PTPN3: variants seen among roughly 807,000 people sequenced by gnomAD.
PTPN3 encodes the protein tyrosine-protein phosphatase non-receptor type 3.
Under a neutral mutation model 132.7 loss-of-function variants are expected in PTPN3, and 96 were observed. That is an observed-to-expected ratio of 0.72 (90% confidence interval 0.61 to 0.86). PTPN3 has a LOEUF of 0.86. Among genes scored for constraint, PTPN3 ranks in the 40% least tolerant of loss-of-function variants. PTPN3 has a pLI of 0.00. For missense variants in PTPN3, 1,125 were observed against 1,159.6 expected, an observed-to-expected ratio of 0.97 and a Z score of 0.43; for synonymous variants, 398 against 429.0, an observed-to-expected ratio of 0.93 and a Z score of 0.89.
intron 14 of PTPN3, among the ~76,000 whole-genome samples, chr9:109,416,100 C>T (rs910299275): frequency 6.6e-6 from 1 of 152,068 alleles, no homozygotes; most frequent in Non-Finnish European, 1.5e-5. Context: ...ATGGTGGTTA[C>T]GAGGGTGATG....
intron 14 of PTPN3, among the ~76,000 whole-genome samples, chr9:109,417,198 T>A (rs1372038982): frequency 6.6e-6 from 1 of 152,234 alleles, no homozygotes; most frequent in Non-Finnish European, 1.5e-5. Flanking sequence ...ATAACTATAA[T>A]CATAAACTTT....
At chr9:109,385,009 G>A (rs1192153178) in intron 22 of PTPN3, among the ~76,000 whole-genome samples, 2 of 152,188 alleles carry the variant, frequency 1.3e-5, no homozygotes, top group Admixed American at 6.5e-5. Flanking sequence ...GCATAGGAAG[G>A]ATAAATCCCT....
chr9:109,389,473 G>C, intron 21 of PTPN3, 94 bp from the exon 22 acceptor site: 1 of 1,277,340 alleles, frequency 7.8e-7, no homozygotes, highest in South Asian at 1.6e-5. Flanking sequence ...AATTGATATT[G>C]CACCAGAAAA....
Position 109,376,814 on chromosome 9 carries a change from T to C in PTPN3, c.*2742A>G, listed in dbSNP as rs1838590309. The C allele has an allele frequency of 6.6e-6, 1 of 152,204 alleles. No homozygotes were observed. The highest frequency in any genetic ancestry group is 6.5e-5 in the Admixed American group (1 of 15,286). The allele number at this position is 152,204 out of a possible 1,614,324, so 9.4% of individuals were successfully genotyped here. A position where few individuals can be genotyped will look rare whatever the true frequency, so the allele number is the denominator to read the frequency against. ...ATTTTAAGTGGTAATAGCTACAGGA[T>C]TTACTTGAATTGTTTGCTCTTTTAG... On this transcript the variant is annotated 3_prime_UTR_variant, in exon 26 of 26. Coordinates refer to ENST00000374541, the MANE Select transcript of PTPN3 (RefSeq NM_002829.4).
chr9:109,378,280 CA>C lies in PTPN3; in HGVS notation c.*1275del, dbSNP rs1440133245. 5 of 152,442 alleles carry C rather than the reference CA, an allele frequency of 3.3e-5. No homozygotes were observed. Among genetic ancestry groups the C allele is most frequent in the Non-Finnish European group, 7.3e-5 (5 of 68,046 alleles). 9.4% of individuals were successfully genotyped at this position (152,442 alleles called of 1,614,324 possible). On this transcript the variant is annotated 3_prime_UTR_variant, in exon 26 of 26. Transcript: ENST00000374541. Reference sequence around the variant, plus strand: ...ATTTTCCTTAAATAATAATTTGCTACAATCCTGTCACAAATTTAAAAAAATT... The same window carrying C: ...ATTTTCCTTAAATAATAATTTGCTACATCCTGTCACAAATTTAAAAAAATT...
At chr9:109,520,478 T>C in the PTPN3 span, among the ~76,000 whole-genome samples, 3 of 152,200 alleles carry the variant, frequency 2.0e-5, no homozygotes, top group African/African-American at 4.8e-5. Flanking sequence ...GTTTGGAAAA[T>C]TGACAGCATG....
At chr9:109,417,377 C>T (rs1842592924) in intron 14 of PTPN3, among the ~76,000 whole-genome samples, 1 of 152,188 alleles carries the variant, frequency 6.6e-6, no homozygotes, top group African/African-American at 2.4e-5. Context: ...CTTAATTCTT[C>T]TTCTTAAAAG....
intron 2 of PTPN3, among the ~76,000 whole-genome samples, chr9:109,462,791 T>C (rs1845909739): frequency 6.6e-6 from 1 of 152,038 alleles, no homozygotes; most frequent in African/African-American, 2.4e-5. Context: ...CACTCACACA[T>C]TTAACGAGCA....
intron 2 of PTPN3, among the ~76,000 whole-genome samples, chr9:109,461,292 A>C (rs1222250289): frequency 6.6e-6 from 1 of 152,138 alleles, no homozygotes; most frequent in Admixed American, 6.6e-5. Flanking sequence ...CTCAGGCCCC[A>C]CCCCACAGAG....
At chr9:109,511,067 CA>C in the PTPN3 span, among the ~76,000 whole-genome samples, 1 of 152,042 alleles carries the variant, frequency 6.6e-6, no homozygotes, top group African/African-American at 2.4e-5. Flanking sequence ...TATTTAGGGG[CA>C]TATTTTTATA....
chr9:109,473,856 T>C (rs1846502228), intron 1 of PTPN3, among the ~76,000 whole-genome samples: 1 of 152,054 alleles, frequency 6.6e-6, no homozygotes, highest in Non-Finnish European at 1.5e-5. Context: ...CACTCTCTCC[T>C]GACTTACAAC....
chr9:109,428,792 G>A, intron 10 of PTPN3, 108 bp from the exon 11 acceptor site: 1 of 1,461,958 alleles, frequency 6.8e-7, no homozygotes, highest in Non-Finnish European at 9.0e-7. Flanking sequence ...ATGAGTGGGG[G>A]CTCTTGGCTG....
In PTPN3 at chr9:109,424,073, AC is replaced by A. The variant is rs1446137250; in HGVS notation, c.1002-1222del. ...AACCACACTGCCAGTGATGAAGAGC[AC>A]AGGATCAAAACAAGGGGAGCAAACT... On this transcript the variant is annotated intron_variant, in intron 12 of 25. Transcript: ENST00000374541. Among the ~76,000 whole-genome samples the A allele has an allele frequency of 2.0e-5, 3 of 152,340 alleles. 1 individual carries two copies. Among genetic ancestry groups the A allele is most frequent in the Non-Finnish European group, 4.4e-5 (3 of 68,022 alleles).
At chr9:109,486,845 C>T (rs148958767) in intron 1 of PTPN3, among the ~76,000 whole-genome samples, 9 of 152,198 alleles carry the variant, frequency 5.9e-5, no homozygotes, top group East Asian at 1.9e-4. Context: ...TGAGTTCTCA[C>T]GAGATCTGAT....
rs76982603 is a variant in PTPN3 at position 109,451,527 on chromosome 9, C to A, written c.369-2672G>T. ...CACTGGCCACAATTCTACGACCCTGCACATCTAGTTCCCCTTTTCCCATGA... is the reference window on the plus strand; with the variant it reads ...CACTGGCCACAATTCTACGACCCTGAACATCTAGTTCCCCTTTTCCCATGA... On this transcript the variant is annotated intron_variant, in intron 5 of 25. Coordinates refer to ENST00000374541, the MANE Select transcript of PTPN3 (RefSeq NM_002829.4). The A allele has an allele frequency of 2.7e-3, 1,418 of 527,582 alleles. 16 individuals are homozygous for A. The highest frequency in any genetic ancestry group is 0.027 in the African/African-American group (1,298 of 48,340). The allele number at this position is 527,582 out of a possible 1,614,324, so 32.7% of individuals were successfully genotyped here. A position where few individuals can be genotyped will look rare whatever the true frequency, so the allele number is the denominator to read the frequency against.
rs1838699122 is a variant in PTPN3 at position 109,377,761 on chromosome 9, T to A, written c.*1795A>T. ...ACATGAATAGCGTGATCTTATTCAA[T>A]CCTCATGTTCCAACTAAAGTCCTAA... On this transcript the variant is annotated 3_prime_UTR_variant, in exon 26 of 26. Coordinates refer to ENST00000374541, the MANE Select transcript of PTPN3 (RefSeq NM_002829.4). 1 of 152,222 alleles carries A rather than the reference T, an allele frequency of 6.6e-6. No individual in the cohort carries two copies. The highest frequency in any genetic ancestry group is 6.5e-5 in the Admixed American group (1 of 15,280). 9.4% of individuals were successfully genotyped at this position (152,222 alleles called of 1,614,324 possible).
chr9:109,479,967 C>T (rs1846883157), intron 1 of PTPN3, among the ~76,000 whole-genome samples: 1 of 152,206 alleles, frequency 6.6e-6, no homozygotes, highest in Non-Finnish European at 1.5e-5. Flanking sequence ...TACTATTCCT[C>T]CACATCCTTG....
chr9:109,438,010 G>A, intron 8 of PTPN3, 104 bp downstream of exon 8: 2 of 1,337,998 alleles, frequency 1.5e-6, no homozygotes, highest in Non-Finnish European at 2.0e-6. Flanking sequence ...TCTTGAAAGA[G>A]GATTCATGCA....
chr9:109,390,596 A>G (rs147754367), intron 21 of PTPN3, among the ~76,000 whole-genome samples: 2,474 of 152,256 alleles, frequency 0.016, 60 homozygotes, highest in African/African-American at 0.055. Context: ...AACTTAAAGT[A>G]TAATAATAAT....
Sources: allele counts gnomAD v4.1 joint callset (sites outside exome capture counted in the v4.1 genomes callset), GRCh38; gene constraint gnomAD v4.1.1; transcripts MANE v1.5; gene names NCBI Gene and HGNC (gene_info 2026-07-23, HGNC 2026-07-21).